The following WTIP variants were observed in gnomAD, a reference collection of about 807,000 sequenced individuals.
WTIP encodes Wilms tumor protein 1-interacting protein.
In WTIP, 23 loss-of-function variants were observed where a neutral mutation model predicts 41.7. The observed-to-expected ratio is 0.55, with a 90% CI of 0.40 to 0.78. The LOEUF (loss-of-function observed/expected upper bound fraction) is 0.78. Ranked by LOEUF, WTIP falls within the 30% of genes least tolerant of loss-of-function variation. WTIP has a pLI of 0.00. For synonymous variants in WTIP, 314 were observed against 269.9 expected (o/e 1.16, Z -1.60); for missense variants, 619 against 610.5 (o/e 1.01, Z -0.15).
chr19:34,488,890 G>A (rs1261020108), intron 1 of WTIP, among the ~76,000 whole-genome samples: 1 of 105,784 alleles, frequency 9.5e-6, no homozygotes, highest in Non-Finnish European at 1.8e-5. Flanking sequence ...GCAACAGAGC[G>A]AGACTCTCCT....
In WTIP at chr19:34,500,300, G is replaced by A; in HGVS notation, c.*31G>A. On this transcript the variant is annotated 3_prime_UTR_variant, in exon 8 of 8. Coordinates refer to ENST00000590071, the MANE Select transcript of WTIP (RefSeq NM_001080436.2). ...GGAAAACCCGTCCCTGGGCCGGGGT[G>A]GGTGTGGGTGTGGAGGGAGGGCCCG... 6.4e-7 allele frequency: 1 copy of A among 1,566,938 alleles called. No individual in the cohort carries two copies. Among genetic ancestry groups the A allele is most frequent in the Non-Finnish European group, 8.6e-7 (1 of 1,159,384 alleles).
chr19:34,484,357 G>A (rs1247967870), intron 1 of WTIP, among the ~76,000 whole-genome samples: 1 of 152,158 alleles, frequency 6.6e-6, no homozygotes, highest in Non-Finnish European at 1.5e-5. Context: ...TGGGGTTGCA[G>A]CCCAGAGGGC....
chr19:34,483,772 G>T (rs1426783998), intron 1 of WTIP, among the ~76,000 whole-genome samples: 1 of 152,138 alleles, frequency 6.6e-6, no homozygotes, highest in Non-Finnish European at 1.5e-5. Flanking sequence ...GGGGCCTGGG[G>T]CGAGAACTTC....
At position 34,509,272 on chromosome 19, in the gene WTIP, T is replaced by TCCACATGGCTGGGGAGGCCTCAGCCTC. The variant is rs368598932; in HGVS notation, c.*9025_*9051dup. ...AAAGAGGTTTAATTGGATTTACAGTTCCACATGGCTGGGGAGGCCTCAGCC... is the reference window on the plus strand; with the variant it reads ...AAAGAGGTTTAATTGGATTTACAGTTCCACATGGCTGGGGAGGCCTCAGCCTCCCACATGGCTGGGGAGGCCTCAGCC... On this transcript the variant is annotated 3_prime_UTR_variant, in exon 8 of 8. Transcript: ENST00000590071. 5 of 152,040 alleles carry TCCACATGGCTGGGGAGGCCTCAGCCTC rather than the reference T, an allele frequency of 3.3e-5. No individual in the cohort carries two copies. The highest frequency in any genetic ancestry group is 5.9e-5 in the Non-Finnish European group (4 of 68,014). 9.4% of individuals were successfully genotyped at this position (152,040 alleles called of 1,614,324 possible).
rs2075906358 is a variant in WTIP at position 34,505,232 on chromosome 19, G to A, written c.*4963G>A. 1 of 152,196 alleles carries A rather than the reference G, an allele frequency of 6.6e-6. No homozygotes were observed. The highest frequency in any genetic ancestry group is 2.1e-4 in the South Asian group (1 of 4,834). The allele number at this position is 152,196 out of a possible 1,614,324, so 9.4% of individuals were successfully genotyped here. A position where few individuals can be genotyped will look rare whatever the true frequency, so the allele number is the denominator to read the frequency against. ...TCACCTATCTCAGGCCCAGGCCCTT[G>A]CCAGGTTCCTAGTCCCTGGCCGGAT... On this transcript the variant is annotated 3_prime_UTR_variant, in exon 8 of 8. Transcript: ENST00000590071.
chr19:34,497,351 G>A (rs1440539574), intron 7 of WTIP, among the ~76,000 whole-genome samples: 1 of 152,128 alleles, frequency 6.6e-6, no homozygotes, highest in Non-Finnish European at 1.5e-5. Flanking sequence ...TGTTGTCCGG[G>A]GTCTGAGAGT....
chr19:34,499,384 AGTGGTCCCAGCTACTCAGGAGGCTGAGGT>A (rs2075872384), intron 7 of WTIP, among the ~76,000 whole-genome samples: 2 of 141,028 alleles, frequency 1.4e-5, no homozygotes, highest in Middle Eastern at 6.0e-3. Flanking sequence ...AGGGTGCGCC[AGTGGTCCCAGCTACTCAGGAGGCTGAGGT>A]GGGAGGATCA....
Position 34,491,974 on chromosome 19 carries a change from A to G in WTIP, c.770-1063A>G, listed in dbSNP as rs1292611582. 3.9e-5 allele frequency among the ~76,000 whole-genome samples: 6 copies of G among 151,994 alleles called. No individual in the cohort carries two copies. In the South Asian group the frequency reaches 1.0e-3, roughly 26 times the overall value. ...TTGCCCTTTTTCAGTTGATCCCTGT[A>G]TGTCCCCCATCACATTTGCCCAACT... is the stretch of plus-strand genomic sequence containing the variant. On this transcript the variant is annotated intron_variant, in intron 2 of 7. Coordinates refer to ENST00000590071, the MANE Select transcript of WTIP (RefSeq NM_001080436.2).
At chr19:34,492,376 G>A (rs1313110627) in intron 2 of WTIP, among the ~76,000 whole-genome samples, 1 of 119,484 alleles carries the variant, frequency 8.4e-6, no homozygotes, top group African/African-American at 3.6e-5. Flanking sequence ...CAGCCTCCCA[G>A]GAGGCTGGGA....
At position 34,482,255 on chromosome 19, in the gene WTIP, C is replaced by G. The variant is rs1449666286; in HGVS notation, c.281C>G (p.Ala94Gly). The part of the protein sequence containing the change: ...QPAGSPRASL[A>G]GSDGGGGGGS... ...GCGGGCAGCCCACGGGCCAGCCTGG[C>G]GGGGTCCGACGGCGGCGGCGGTGGC... Residue 94 changes from alanine to glycine, a missense_variant, in exon 1 of 8, where the codon GCG (alanine) becomes GGG (glycine). Ala to Gly is a moderately conservative substitution (Grantham distance 60). Transcript: ENST00000590071. The G allele has an allele frequency of 7.8e-7, 1 of 1,275,530 alleles. No homozygotes were observed. Among genetic ancestry groups the G allele is most frequent in the Admixed American group, 3.6e-5 (1 of 28,092 alleles). The allele number at this position is 1,275,530 out of a possible 1,614,324, so 79.0% of individuals were successfully genotyped here.
At chr19:34,490,323 G>T in intron 1 of WTIP, 53 bp from the exon 2 acceptor site, 1 of 1,557,872 alleles carries the variant, frequency 6.4e-7, no homozygotes, top group Non-Finnish European at 8.8e-7. Context: ...GTCCGTCGGT[G>T]TGGCATAGGC....
At chr19:34,482,674 G>T (rs2075775137) in intron 1 of WTIP, 33 bp downstream of exon 1, 9 of 1,223,720 alleles carry the variant, frequency 7.4e-6, no homozygotes, top group African/African-American at 4.7e-5. Context: ...TTCCCTGCGC[G>T]CATGGCTGGG....
chr19:34,481,981 C>T lies in WTIP; in HGVS notation c.7C>T (p.Arg3Cys). The change falls in exon 1 of 8, where the codon CGC becomes TGC. Residue 3 changes from arginine to cysteine, a missense_variant. This residue lies in a region of WTIP where 363 missense variants were observed against 309.0 expected (regional missense o/e 1.17). Coordinates refer to ENST00000590071, the MANE Select transcript of WTIP (RefSeq NM_001080436.2). The stretch of plus-strand genomic sequence containing the variant: ...AGGGCCGGCGGGCCGGGCCATGCAG[C>T]GCTCCAGGGCGGGCGCGGACGAGGC... MQ[R>C]SRAGADEAAL... 1 of 1,008,098 alleles carries T rather than the reference C, an allele frequency of 9.9e-7. No individual in the cohort carries two copies. The highest frequency in any genetic ancestry group is 1.2e-6 in the Non-Finnish European group (1 of 846,216). The allele number at this position is 1,008,098 out of a possible 1,614,324, so 62.4% of individuals were successfully genotyped here.
chr19:34,492,989 C>T (rs758173024), intron 2 of WTIP, 48 bp from the exon 3 acceptor site: 1 of 1,602,006 alleles, frequency 6.2e-7, no homozygotes, highest in Admixed American at 1.7e-5. Flanking sequence ...CGGCTCCATC[C>T]CTGGTCCCCA....
intron 7 of WTIP, among the ~76,000 whole-genome samples, chr19:34,496,079 C>T (rs184285291): frequency 1.1e-3 from 175 of 152,314 alleles, no homozygotes; most frequent in Middle Eastern, 3.4e-3. Context: ...ATCGCTTGAA[C>T]CTGGGAGGCA....
chr19:34,484,125 C>G (rs529796781), intron 1 of WTIP, among the ~76,000 whole-genome samples: 2 of 151,930 alleles, frequency 1.3e-5, no homozygotes, highest in East Asian at 3.9e-4. Flanking sequence ...CGGGGTTTCA[C>G]CATGTTGGCC....
At chr19:34,490,355 C>T (rs749974110) in intron 1 of WTIP, 21 bp from the exon 2 acceptor site, 50 of 1,612,590 alleles carry the variant, frequency 3.1e-5, no homozygotes, top group Non-Finnish European at 2.8e-5. Flanking sequence ...CCCCTGCTCT[C>T]TCCTGCCTCT....
Position 34,490,410 on chromosome 19 carries a change from A to T in WTIP, c.702A>T (p.Gly234=). The T allele has an allele frequency of 6.2e-7, 1 of 1,613,874 alleles. No individual in the cohort carries two copies. The highest frequency in any genetic ancestry group is 8.5e-7 in the Non-Finnish European group (1 of 1,179,860). The change falls in exon 2 of 8, where the codon GGA becomes GGT. Residue 234 remains glycine, a synonymous_variant. Transcript: ENST00000590071. ...TCAAGTGTGGGCTTGGCATCTACGGAGCCCAGCAGGCGTGCCAGGCAATGG... is the reference window on the plus strand; with the variant it reads ...TCAAGTGTGGGCTTGGCATCTACGGTGCCCAGCAGGCGTGCCAGGCAATGG... ...ICIKCGLGIY[G]AQQACQAMGS... is the part of the protein sequence containing the mutation.
intron 1 of WTIP, 86 bp downstream of exon 1, chr19:34,482,727 C>T: frequency 1.7e-6 from 2 of 1,204,432 alleles, no homozygotes; most frequent in East Asian, 6.7e-5. Flanking sequence ...GCCGGATCAG[C>T]GGAGGAGAGC....
Sources: allele counts gnomAD v4.1 joint callset (sites outside exome capture counted in the v4.1 genomes callset), GRCh38; gene constraint gnomAD v4.1.1; regional missense constraint gnomAD v4.1.1; transcripts MANE v1.5; gene names NCBI Gene and HGNC (gene_info 2026-07-23, HGNC 2026-07-21).